Variants in ZNF521 observed in about 807,000 individuals in gnomAD.
ZNF521 encodes the protein LYST-interacting protein 3.
ZNF521 carries 14 observed loss-of-function variants against 105.5 expected under a neutral mutation model. The observed-to-expected ratio is 0.13, with a 90% CI of 0.09 to 0.21. ZNF521 has a LOEUF of 0.21. ZNF521 is among the 10% of genes least tolerant of loss of function. ZNF521 has a pLI of 1.00. For synonymous variants in ZNF521, 635 were observed against 606.0 expected (o/e 1.05, Z -0.70); for missense variants, 1,233 against 1,629.7 (o/e 0.76, Z 4.19).
intron 5 of ZNF521, among the ~76,000 whole-genome samples, chr18:25,191,517 A>G (rs771920700): frequency 1.3e-5 from 2 of 152,152 alleles, no homozygotes; most frequent in Non-Finnish European, 2.9e-5. Context: ...TGTTTGGAAC[A>G]CATTTGTTTC....
chr18:25,256,767 T>C (rs972180727), intron 3 of ZNF521, among the ~76,000 whole-genome samples: 5 of 151,248 alleles, frequency 3.3e-5, no homozygotes, highest in African/African-American at 9.7e-5. Context: ...AGGAGAACAG[T>C]GTTGGGTCAG....
chr18:25,126,235 T>C (rs140914396), intron 5 of ZNF521, among the ~76,000 whole-genome samples: 20 of 152,224 alleles, frequency 1.3e-4, no homozygotes, highest in African/African-American at 4.6e-4. Context: ...CCCAATTAAA[T>C]TGACCAGAAA....
intron 3 of ZNF521, among the ~76,000 whole-genome samples, chr18:25,259,482 T>C (rs1908755945): frequency 6.6e-6 from 1 of 152,144 alleles, no homozygotes; most frequent in African/African-American, 2.4e-5. Context: ...GGGATCAGAT[T>C]AGTTCATCTC....
chr18:25,082,236 T>A (rs2033511719), intron 7 of ZNF521, among the ~76,000 whole-genome samples: 1 of 152,108 alleles, frequency 6.6e-6, no homozygotes, highest in Non-Finnish European at 1.5e-5. Flanking sequence ...TCCTGTGACT[T>A]TTGAAGTCTT....
chr18:25,069,427 C>T (rs1389696783), intron 7 of ZNF521, among the ~76,000 whole-genome samples: 1 of 152,126 alleles, frequency 6.6e-6, no homozygotes, highest in African/African-American at 2.4e-5. Context: ...TCATAATTTT[C>T]AACTGATTAA....
intron 5 of ZNF521, among the ~76,000 whole-genome samples, chr18:25,097,462 T>G (rs937560238): frequency 1.4e-4 from 22 of 151,998 alleles, no homozygotes; most frequent in African/African-American, 3.6e-4. Context: ...CTGCCCTTAT[T>G]TTTTTTGAAC....
chr18:25,244,434 C>G (rs914541925), intron 3 of ZNF521, among the ~76,000 whole-genome samples: 2 of 152,134 alleles, frequency 1.3e-5, no homozygotes, highest in Non-Finnish European at 2.9e-5. Flanking sequence ...CACAGAGACT[C>G]TGACCACTAA....
chr18:25,158,768 C>T (rs1029244898), intron 5 of ZNF521, among the ~76,000 whole-genome samples: 2 of 151,896 alleles, frequency 1.3e-5, no homozygotes, highest in East Asian at 1.9e-4. Context: ...CCAGCCTGGC[C>T]AACGTGGTGA....
intron 4 of ZNF521, among the ~76,000 whole-genome samples, chr18:25,199,674 C>T (rs2144649049): frequency 6.6e-6 from 1 of 152,068 alleles, no homozygotes; most frequent in African/African-American, 2.4e-5. Context: ...TGAACATTTT[C>T]ATAAAAACTG....
At chr18:25,306,859 A>AC (rs1912009428) in intron 3 of ZNF521, among the ~76,000 whole-genome samples, 1 of 151,506 alleles carries the variant, frequency 6.6e-6, no homozygotes, top group Admixed American at 6.6e-5. Context: ...TTCAAGAAAA[A>AC]AAAAAAAAGT....
intron 5 of ZNF521, among the ~76,000 whole-genome samples, chr18:25,169,200 T>C (rs182614774): frequency 2.0e-4 from 30 of 152,290 alleles, no homozygotes; most frequent in African/African-American, 7.0e-4. Flanking sequence ...GAACCTACAG[T>C]GGTTTGCAAA....
intron 3 of ZNF521, among the ~76,000 whole-genome samples, chr18:25,311,272 T>C (rs1344025074): frequency 2.0e-5 from 3 of 151,748 alleles, no homozygotes; most frequent in African/African-American, 7.3e-5. Context: ...GTGGAAATAG[T>C]CTACTTTTAA....
chr18:25,217,560 G>T (rs1439592068), intron 4 of ZNF521, among the ~76,000 whole-genome samples: 2 of 152,168 alleles, frequency 1.3e-5, no homozygotes, highest in Non-Finnish European at 2.9e-5. Flanking sequence ...TCAGACAAAG[G>T]TTTCCTGGAT....
intron 3 of ZNF521, among the ~76,000 whole-genome samples, chr18:25,257,501 T>C (rs1908602867): frequency 1.3e-5 from 2 of 152,166 alleles, no homozygotes; most frequent in Non-Finnish European, 2.9e-5. Flanking sequence ...TTCTATACTG[T>C]TTCCTATCCA....
chr18:25,238,193 G>A (rs561515570), intron 3 of ZNF521, among the ~76,000 whole-genome samples: 1 of 152,240 alleles, frequency 6.6e-6, no homozygotes, highest in East Asian at 1.9e-4. Context: ...CTCAAATGCT[G>A]AGTTTTTATG....
At chr18:25,329,048 C>T (rs371221105) in intron 2 of ZNF521, among the ~76,000 whole-genome samples, 6 of 152,222 alleles carry the variant, frequency 3.9e-5, no homozygotes, top group African/African-American at 1.4e-4. Flanking sequence ...CTTCAGTAAG[C>T]AAACATTTCT....
chr18:25,187,545 T>C (rs573067025), intron 5 of ZNF521, among the ~76,000 whole-genome samples: 52 of 152,126 alleles, frequency 3.4e-4, no homozygotes, highest in Non-Finnish European at 6.3e-4. Flanking sequence ...AATTTTGCCA[T>C]AGAAATACAC....
chr18:25,322,753 A>G (rs938555774), intron 2 of ZNF521, among the ~76,000 whole-genome samples: 19 of 152,214 alleles, frequency 1.2e-4, no homozygotes, highest in African/African-American at 4.6e-4. Flanking sequence ...GCTGTATCAC[A>G]TGGCAAAACA....
chr18:25,298,137 A>G (rs1200998501), intron 3 of ZNF521, among the ~76,000 whole-genome samples: 1 of 152,218 alleles, frequency 6.6e-6, no homozygotes, highest in African/African-American at 2.4e-5. Flanking sequence ...TACTATTGTC[A>G]GAGAGCACAG....
Sources: gnomAD v4.1 joint callset for allele counts (sites outside exome capture counted in the v4.1 genomes callset) on GRCh38, gnomAD v4.1.1 for gene constraint, MANE v1.5 for transcripts, NCBI Gene and HGNC (gene_info 2026-07-23, HGNC 2026-07-21) for gene names.